Variants in RANBP2 observed in about 807,000 individuals in gnomAD.
RANBP2 encodes the protein RAN binding protein 2.
RANBP2 carries 57 observed loss-of-function variants against 303.6 expected under a neutral mutation model. The ratio of observed to expected loss-of-function variants is 0.19; its 90% CI spans 0.15 to 0.23. RANBP2 has a LOEUF of 0.23. Among genes scored for constraint, RANBP2 ranks in the 10% least tolerant of loss-of-function variants. The pLI is 1.00. For missense variants in RANBP2, 3,138 were observed against 3,780.8 expected (o/e 0.83, Z 4.46); for synonymous variants, 1,167 against 1,301.5 (o/e 0.90, Z 2.23).
chr2:109,372,372 G>A, the RANBP2 span, among the ~76,000 whole-genome samples: 1 of 152,210 alleles, frequency 6.6e-6, no homozygotes, highest in African/African-American at 2.4e-5. Context: ...TGGCGTGTGT[G>A]TCTGCCATTT....
At chr2:109,170,088 T>A in the RANBP2 span, among the ~76,000 whole-genome samples, 1 of 152,236 alleles carries the variant, frequency 6.6e-6, no homozygotes, top group African/African-American at 2.4e-5. Context: ...TGCCAGAAAC[T>A]ATAATCTCTA....
chr2:108,972,573 T>G, the RANBP2 span, among the ~76,000 whole-genome samples: 11 of 152,370 alleles, frequency 7.2e-5, no homozygotes, highest in Non-Finnish European at 8.8e-5. Flanking sequence ...GTTCAGAAGC[T>G]GGTGCCTTGC....
chr2:109,022,763 A>G, the RANBP2 span, among the ~76,000 whole-genome samples: 1 of 152,208 alleles, frequency 6.6e-6, no homozygotes, highest in Non-Finnish European at 1.5e-5. Context: ...TTAAAAAAGA[A>G]TTATTGGCTG....
chr2:109,699,315 T>C, the RANBP2 span, among the ~76,000 whole-genome samples: 2 of 152,156 alleles, frequency 1.3e-5, no homozygotes, highest in African/African-American at 2.4e-5. Context: ...CTCTTCATTC[T>C]ACAGTTGACT....
At chr2:109,080,610 T>C in the RANBP2 span, among the ~76,000 whole-genome samples, 1 of 152,176 alleles carries the variant, frequency 6.6e-6, no homozygotes, top group Admixed American at 6.5e-5. Flanking sequence ...GGTGCATTCT[T>C]TTCCCCTGGA....
chr2:109,148,102 G>A, the RANBP2 span, among the ~76,000 whole-genome samples: 1 of 152,116 alleles, frequency 6.6e-6, no homozygotes, highest in Admixed American at 6.5e-5. Flanking sequence ...CTGCCAGCCG[G>A]GTCCTACACA....
At chr2:109,713,780 T>C in the RANBP2 span, among the ~76,000 whole-genome samples, 1 of 152,202 alleles carries the variant, frequency 6.6e-6, no homozygotes, top group Non-Finnish European at 1.5e-5. Context: ...GCTAACATCA[T>C]GATTGAAAGC....
the RANBP2 span, among the ~76,000 whole-genome samples, chr2:109,510,861 G>T: frequency 7.1e-4 from 108 of 152,330 alleles, 1 homozygote; most frequent in African/African-American, 2.5e-3. Context: ...AAGGTGGGAC[G>T]GGTGGCCGGA....
chr2:109,344,382 T>C, the RANBP2 span, among the ~76,000 whole-genome samples: 1 of 152,154 alleles, frequency 6.6e-6, no homozygotes, highest in Non-Finnish European at 1.5e-5. Flanking sequence ...GAGCTCTGTC[T>C]GCAAAGCCCT....
the RANBP2 span, among the ~76,000 whole-genome samples, chr2:109,301,335 CGT>C: frequency 0.38 from 50,210 of 131,868 alleles, 12,033 homozygotes; most frequent in African/African-American, 0.72. Context: ...ATCTGTGTGA[CGT>C]GTGTGTGTGT....
At chr2:108,783,311 A>G (rs1383847651) in intron 28 of RANBP2, among the ~76,000 whole-genome samples, 1 of 139,784 alleles carries the variant, frequency 7.2e-6, no homozygotes, top group East Asian at 2.2e-4. Flanking sequence ...ATCCTGGGCG[A>G]CAGAGTGAGA....
the RANBP2 span, among the ~76,000 whole-genome samples, chr2:108,822,813 G>A: frequency 1.3e-5 from 2 of 152,154 alleles, no homozygotes; most frequent in African/African-American, 4.8e-5. Flanking sequence ...AGCTGTAGAT[G>A]CTTACATTAA....
At chr2:108,833,094 G>T in the RANBP2 span, among the ~76,000 whole-genome samples, 3 of 152,224 alleles carry the variant, frequency 2.0e-5, no homozygotes, top group African/African-American at 7.2e-5. Flanking sequence ...GAGATCAGTA[G>T]CTGCCAGGGG....
the RANBP2 span, among the ~76,000 whole-genome samples, chr2:109,331,825 C>G: frequency 6.6e-6 from 1 of 152,112 alleles, no homozygotes; most frequent in Non-Finnish European, 1.5e-5. Context: ...GTGTTCAGAT[C>G]TTTGCCAGGG....
In RANBP2 at chr2:108,727,082, C is replaced by T. The variant is rs1321656409; in HGVS notation, c.73-2050C>T. 2.0e-5 allele frequency among the ~76,000 whole-genome samples: 3 copies of T among 152,140 alleles called. No homozygotes were observed. The East Asian group carries it at 5.8e-4, about 29-fold the overall frequency. ...TCCGATTTCTCAATCTTTTCCCCACCTTTCCCGCCTTTCTATTCCACAAAA... is the reference window on the plus strand; with the variant it reads ...TCCGATTTCTCAATCTTTTCCCCACTTTTCCCGCCTTTCTATTCCACAAAA... On this transcript the variant is annotated intron_variant, in intron 1 of 28. Transcript: ENST00000283195.
chr2:109,123,001 C>T, the RANBP2 span, among the ~76,000 whole-genome samples: 1 of 152,290 alleles, frequency 6.6e-6, no homozygotes, highest in South Asian at 2.1e-4. Flanking sequence ...TGCACAGTGA[C>T]GGTGAACTAG....
the RANBP2 span, among the ~76,000 whole-genome samples, chr2:109,176,005 A>C: frequency 6.6e-6 from 1 of 152,198 alleles, no homozygotes; most frequent in Non-Finnish European, 1.5e-5. Flanking sequence ...ACGTGGTCTA[A>C]TTGATATTCT....
chr2:109,423,919 G>A, the RANBP2 span, among the ~76,000 whole-genome samples: 1 of 152,246 alleles, frequency 6.6e-6, no homozygotes, highest in Non-Finnish European at 1.5e-5. Flanking sequence ...TGGAGGAGAT[G>A]CAAGTGGGAA....
At chr2:108,733,247 T>A (rs1695318151) in intron 4 of RANBP2, among the ~76,000 whole-genome samples, 1 of 150,100 alleles carries the variant, frequency 6.7e-6, no homozygotes. Context: ...GTCCACAATT[T>A]AACCATTCCC....
Sources: allele counts gnomAD v4.1 joint callset (sites outside exome capture counted in the v4.1 genomes callset), GRCh38; gene constraint gnomAD v4.1.1; transcripts MANE v1.5; gene names NCBI Gene and HGNC (gene_info 2026-07-23, HGNC 2026-07-21).